Variants in DNAH11 observed in about 807,000 individuals in gnomAD.
DNAH11 encodes the protein dynein axonemal heavy chain 11.
A neutral mutation model predicts 526.0 loss-of-function variants in DNAH11; 442 were observed. That is an observed-to-expected ratio of 0.84 (90% confidence interval 0.78 to 0.91). The LOEUF (loss-of-function observed/expected upper bound fraction) is 0.91. Among genes scored for constraint, DNAH11 ranks in the 40% least tolerant of loss-of-function variants. DNAH11 has a pLI of 0.00. For missense variants in DNAH11, 6,989 were observed against 5,448.7 expected, an observed-to-expected ratio of 1.28 and a Z score of -8.90; for synonymous variants, 2,461 against 1,935.9, an observed-to-expected ratio of 1.27 and a Z score of -7.12.
intron 42 of DNAH11, among the ~76,000 whole-genome samples, chr7:21,715,852 G>T (rs1784641298): frequency 8.4e-6 from 1 of 119,328 alleles, no homozygotes; most frequent in African/African-American, 4.0e-5. Flanking sequence ...TAATTTATCT[G>T]ATTTCCCCCT....
At chr7:21,823,657 T>C (rs1040329281) in intron 65 of DNAH11, among the ~76,000 whole-genome samples, 2 of 152,134 alleles carry the variant, frequency 1.3e-5, no homozygotes, top group Non-Finnish European at 2.9e-5. Flanking sequence ...ATAAGAATCA[T>C]ATACTATATG....
rs557408462 is a variant in DNAH11 at position 21,543,382 on chromosome 7, C to T, written c.137C>T (p.Ala46Val). 1.3e-6 allele frequency: 2 copies of T among 1,551,934 alleles called. No individual in the cohort carries two copies. The highest frequency in any genetic ancestry group is 2.0e-5 in the Admixed American group (1 of 51,022). ...EEEEENEEEAAARRARSFAQD... is the reference protein window; with the variant it reads ...EEEEENEEEAVARRARSFAQD... ...GAGGAGGAGAACGAGGAGGAGGCGG[C>T]GGCCAGGAGAGCGCGGAGTTTCGCC... Residue 46 changes from alanine to valine, a missense_variant, in exon 1 of 82, where the codon GCG becomes GTG. Coordinates refer to ENST00000409508, the MANE Select transcript of DNAH11 (RefSeq NM_001277115.2).
intron 73 of DNAH11, among the ~76,000 whole-genome samples, chr7:21,872,397 G>A (rs1428825704): frequency 6.6e-6 from 1 of 152,058 alleles, no homozygotes; most frequent in Non-Finnish European, 1.5e-5. Flanking sequence ...TTATTATTTT[G>A]TTCCATGTTT....
chr7:21,901,539 C>A lies in DNAH11; in HGVS notation c.*285C>A, dbSNP rs2128054011. ...AGCCGAGGTTGCACCACTGCACTCC[C>A]TCCTGGGCAACAGAACAAGACTCCA... On this transcript the variant is annotated 3_prime_UTR_variant, in exon 82 of 82. Coordinates refer to ENST00000409508, the MANE Select transcript of DNAH11 (RefSeq NM_001277115.2). 4.1e-6 allele frequency: 1 copy of A among 244,040 alleles called. No individual in the cohort carries two copies. Among genetic ancestry groups the A allele is most frequent in the Non-Finnish European group, 7.7e-6 (1 of 129,138 alleles). The allele number at this position is 244,040 out of a possible 1,614,324, so 15.1% of individuals were successfully genotyped here.
intron 18 of DNAH11, among the ~76,000 whole-genome samples, chr7:21,602,785 CACTT>C (rs1785143081): frequency 6.6e-6 from 1 of 152,172 alleles, no homozygotes; most frequent in African/African-American, 2.4e-5. Context: ...TCTAAGACCA[CACTT>C]ACTTTTTGCT....
At chr7:21,842,923 G>A (rs957884797) in intron 66 of DNAH11, among the ~76,000 whole-genome samples, 175 bp downstream of exon 66, 3 of 152,198 alleles carry the variant, frequency 2.0e-5, no homozygotes, top group Non-Finnish European at 2.9e-5. Context: ...CTTCATAAAT[G>A]CTAGATTGTT....
intron 63 of DNAH11, among the ~76,000 whole-genome samples, chr7:21,814,253 G>C (rs1204787986): frequency 6.6e-6 from 1 of 152,178 alleles, no homozygotes; most frequent in Non-Finnish European, 1.5e-5. Context: ...TAGTCAGTGA[G>C]TGAATGTGAA....
At chr7:21,893,616 C>G (rs1162083411) in intron 77 of DNAH11, among the ~76,000 whole-genome samples, 2 of 152,194 alleles carry the variant, frequency 1.3e-5, no homozygotes, top group African/African-American at 4.8e-5. Context: ...ATCTTTTCTC[C>G]TTTCTAGATA....
At chr7:21,643,113 G>A (rs918951964) in intron 28 of DNAH11, among the ~76,000 whole-genome samples, 1 of 152,126 alleles carries the variant, frequency 6.6e-6, no homozygotes, top group Non-Finnish European at 1.5e-5. Context: ...TCATTGACAT[G>A]GTGCAATAGC....
At chr7:21,618,352 G>T (rs543748318) in intron 23 of DNAH11, 6 of 152,908 alleles carry the variant, frequency 3.9e-5, no homozygotes, top group African/African-American at 1.4e-4. Flanking sequence ...AGGGGCAGAG[G>T]GTGGCAGCTT....
intron 30 of DNAH11, among the ~76,000 whole-genome samples, chr7:21,664,134 G>GGTT (rs11433509): frequency 1.1e-4 from 14 of 131,380 alleles, no homozygotes; most frequent in Non-Finnish European, 3.2e-5. Context: ...ATTTCCCAAA[G>GGTT]TTTTTTTTTT....
Position 21,860,123 on chromosome 7 carries a change from C to T in DNAH11, c.11203-1730C>T, listed in dbSNP as rs1014067062. Among the ~76,000 whole-genome samples the T allele has an allele frequency of 8.6e-5, 13 of 151,954 alleles. 1 individual carries two copies. The highest frequency in any genetic ancestry group is 5.3e-4 in the Admixed American group (8 of 15,236). Reference sequence around the variant, plus strand: ...GGGAGGTTGAGGCTGCAGTGAGCCACGGTCACTCCACCGCACTCCAGGCTG... The same window carrying T: ...GGGAGGTTGAGGCTGCAGTGAGCCATGGTCACTCCACCGCACTCCAGGCTG... On this transcript the variant is annotated intron_variant, in intron 68 of 81. Coordinates refer to ENST00000409508, the MANE Select transcript of DNAH11 (RefSeq NM_001277115.2).
chr7:21,756,608 G>A (rs766547455), intron 54 of DNAH11, among the ~76,000 whole-genome samples: 5 of 151,992 alleles, frequency 3.3e-5, no homozygotes, highest in Non-Finnish European at 5.9e-5. Flanking sequence ...TTACAATATT[G>A]AGTATTTTTG....
intron 65 of DNAH11, among the ~76,000 whole-genome samples, chr7:21,841,818 A>G (rs1365925335): frequency 1.3e-5 from 2 of 152,222 alleles, no homozygotes; most frequent in African/African-American, 4.8e-5. Flanking sequence ...GACACTGAAC[A>G]TTGCACTACA....
chr7:21,884,372 T>A lies in DNAH11; in HGVS notation c.12469T>A (p.Cys4157Ser), dbSNP rs748801886. The change falls in exon 76 of 82, where the codon TGT (cysteine) becomes AGT (serine). Residue 4157 changes from cysteine (C) to serine (S), a missense_variant. Coordinates refer to ENST00000409508, the MANE Select transcript of DNAH11 (RefSeq NM_001277115.2). ...CACAGATGACTGGGATCGCAAACTG[T>A]GTCGGGTGTATTTAGAAGAATTCAT... ...HITDDWDRKL[C>S]RVYLEEFMNP... 1.7e-5 allele frequency: 27 copies of A among 1,613,100 alleles called. No homozygotes were observed. The highest frequency in any genetic ancestry group is 2.7e-5 in the African/African-American group (2 of 74,910).
At chr7:21,873,245 C>G in intron 73 of DNAH11, 29 bp from the exon 74 acceptor site, 4 of 1,520,416 alleles carry the variant, frequency 2.6e-6, no homozygotes, top group Non-Finnish European at 3.6e-6. Context: ...CTCACCTTCA[C>G]AGGAATTATG....
At chr7:21,651,326 G>A (rs1411987162) in intron 28 of DNAH11, among the ~76,000 whole-genome samples, 4 of 151,940 alleles carry the variant, frequency 2.6e-5, no homozygotes, top group Non-Finnish European at 4.4e-5. Flanking sequence ...ATAATTGTAA[G>A]CTGCCGTAAT....
In DNAH11 at chr7:21,744,419, C is replaced by T. The variant is rs729657; in HGVS notation, c.8155-19C>T. The stretch of plus-strand genomic sequence containing the variant: ...TCAGCCTCTGAATTAAAGGTATTTT[C>T]CCCATTCTTGCCTTGTAGGGGATTT... On this transcript the variant is annotated intron_variant, in intron 49 of 81. Coordinates refer to ENST00000409508, the MANE Select transcript of DNAH11 (RefSeq NM_001277115.2). 131,181 of 1,609,344 alleles carry T rather than the reference C, an allele frequency of 0.082. 6,012 individuals carry two copies. The highest frequency in any genetic ancestry group is 0.093 in the Non-Finnish European group (109,595 of 1,178,232).
intron 65 of DNAH11, among the ~76,000 whole-genome samples, chr7:21,831,297 G>A (rs1339519374): frequency 6.6e-6 from 1 of 152,132 alleles, no homozygotes; most frequent in Non-Finnish European, 1.5e-5. Flanking sequence ...GATTCTGTTT[G>A]CTTTTCCCAC....
Sources: gnomAD v4.1 joint callset for allele counts (sites outside exome capture counted in the v4.1 genomes callset) on GRCh38, gnomAD v4.1.1 for gene constraint, MANE v1.5 for transcripts, NCBI Gene and HGNC (gene_info 2026-07-23, HGNC 2026-07-21) for gene names.